Variants in PLEKHA7 observed in about 807,000 individuals in gnomAD.
The protein encoded by PLEKHA7 is pleckstrin homology domain containing A7.
A neutral mutation model predicts 170.0 loss-of-function variants in PLEKHA7; 104 were observed. The observed-to-expected ratio is 0.61, with a 90% CI of 0.52 to 0.72. PLEKHA7 has a LOEUF of 0.72. PLEKHA7 is among the 30% of genes least tolerant of loss of function. PLEKHA7 has a pLI of 0.00. For missense variants in PLEKHA7, 1,615 were observed against 1,671.7 expected (o/e 0.97, Z 0.59); for synonymous variants, 648 against 660.8 (o/e 0.98, Z 0.30).
chr11:16,942,726 T>C (rs966454646), intron 3 of PLEKHA7, among the ~76,000 whole-genome samples: 6 of 152,258 alleles, frequency 3.9e-5, no homozygotes, highest in Non-Finnish European at 8.8e-5. Context: ...AATGAATTGC[T>C]GCGGCCGCTG....
At chr11:16,801,582 C>G (rs904726345) in intron 16 of PLEKHA7, 86 bp downstream of exon 16, 1 of 1,531,416 alleles carries the variant, frequency 6.5e-7, no homozygotes, top group South Asian at 1.2e-5. Flanking sequence ...CTCTGGACAC[C>G]AACTCAACTA....
At chr11:16,867,937 A>T (rs1022161535) in intron 4 of PLEKHA7, among the ~76,000 whole-genome samples, 2 of 152,176 alleles carry the variant, frequency 1.3e-5, no homozygotes, top group African/African-American at 2.4e-5. Flanking sequence ...ATAGTCAATC[A>T]ATCACCAAAT....
chr11:16,801,766 G>A lies in PLEKHA7; in HGVS notation c.2209C>T (p.Arg737Ter). 2 of 1,614,140 alleles carry A rather than the reference G, an allele frequency of 1.2e-6. No homozygotes were observed. The highest frequency in any genetic ancestry group is 1.1e-5 in the South Asian group (1 of 91,082). Residue 737 changes from arginine to a stop codon, truncating the protein, a stop_gained, in exon 16 of 27, where the codon CGA becomes TGA. Coordinates refer to ENST00000531066, the MANE Select transcript of PLEKHA7 (RefSeq NM_001329630.2). LOFTEE classifies it high-confidence loss of function. ...EVLHRQMEQY[R>*]DQPQHLEKIA... is the part of the protein sequence containing the mutation. ...TTCTCCAAGTGCTGGGGCTGGTCTC[G>A]GTACTGCTCCATCTGTCTGTGCAAC...
At chr11:16,847,610 A>T (rs1489849610) in intron 8 of PLEKHA7, among the ~76,000 whole-genome samples, 2 of 151,952 alleles carry the variant, frequency 1.3e-5, no homozygotes, top group African/African-American at 4.8e-5. Flanking sequence ...CAGGTGGATC[A>T]CCTGAGGTCA....
At chr11:16,926,055 G>A (rs1859517323) in intron 3 of PLEKHA7, among the ~76,000 whole-genome samples, 1 of 152,218 alleles carries the variant, frequency 6.6e-6, no homozygotes, top group Non-Finnish European at 1.5e-5. Context: ...GGAGACCCGG[G>A]TTGCTGTCGT....
At chr11:16,866,850 G>A (rs1261806603) in intron 4 of PLEKHA7, among the ~76,000 whole-genome samples, 1 of 152,104 alleles carries the variant, frequency 6.6e-6, no homozygotes, top group Non-Finnish European at 1.5e-5. Context: ...TGTAAAATGA[G>A]AAACCATCGT....
chr11:17,008,742 C>T (rs947152022), intron 3 of PLEKHA7, among the ~76,000 whole-genome samples: 2 of 152,118 alleles, frequency 1.3e-5, no homozygotes, highest in African/African-American at 4.8e-5. Context: ...GTGGCTGAGC[C>T]CCTCTTCTCT....
intron 3 of PLEKHA7, among the ~76,000 whole-genome samples, chr11:16,999,026 T>G (rs565843711): frequency 1.5e-4 from 23 of 152,174 alleles, no homozygotes; most frequent in Non-Finnish European, 3.1e-4. Context: ...ATGGCAAATG[T>G]CAAATCAACC....
chr11:16,917,822 GCA>G (rs1233262189), intron 3 of PLEKHA7, among the ~76,000 whole-genome samples: 3 of 152,200 alleles, frequency 2.0e-5, no homozygotes, highest in African/African-American at 7.2e-5. Flanking sequence ...CATGGCAGAT[GCA>G]CAGTGACTGT....
At chr11:16,871,705 C>G (rs1854864603) in intron 3 of PLEKHA7, among the ~76,000 whole-genome samples, 1 of 152,176 alleles carries the variant, frequency 6.6e-6, no homozygotes, top group South Asian at 2.1e-4. Flanking sequence ...GGGCATGTCT[C>G]TGCAACACGA....
chr11:16,805,658 C>T (rs936924787), intron 13 of PLEKHA7, among the ~76,000 whole-genome samples: 3 of 151,798 alleles, frequency 2.0e-5, no homozygotes, highest in African/African-American at 4.8e-5. Flanking sequence ...GGCACAGTGC[C>T]GCGCACCTGT....
chr11:16,843,148 G>A (rs777775802), intron 8 of PLEKHA7, among the ~76,000 whole-genome samples: 4 of 152,194 alleles, frequency 2.6e-5, no homozygotes, highest in Admixed American at 2.0e-4. Flanking sequence ...TTGAAAGAAC[G>A]AAGAGTTAGA....
At chr11:16,870,534 C>T (rs1854745790) in intron 4 of PLEKHA7, among the ~76,000 whole-genome samples, 1 of 150,930 alleles carries the variant, frequency 6.6e-6, no homozygotes, top group African/African-American at 2.4e-5. Context: ...GCGGCTGAGA[C>T]AGGAGGACTG....
In PLEKHA7 at chr11:16,931,255, A is replaced by C. The variant is rs79899602; in HGVS notation, c.222-60073T>G. Among the ~76,000 whole-genome samples the C allele has an allele frequency of 2.0e-4, 31 of 152,308 alleles. 1 individual carries two copies. In the East Asian group the frequency reaches 4.4e-3, roughly 22 times the overall value. On this transcript the variant is annotated intron_variant, in intron 3 of 26. Coordinates refer to ENST00000531066, the MANE Select transcript of PLEKHA7 (RefSeq NM_001329630.2). ...CGCACCACCAGAGAATTGAATGCCA[A>C]AAGTCTAGAGTGAGCCCAGGAATCT...
chr11:16,779,075 C>A (rs1848831251), intron 26 of PLEKHA7, 55 bp from the exon 27 acceptor site: 2 of 702,458 alleles, frequency 2.8e-6, no homozygotes, highest in Admixed American at 2.0e-5. Context: ...GCAGGCACGT[C>A]TGCACACACA....
Position 16,849,038 on chromosome 11 carries a change from T to C in PLEKHA7, c.696+2153A>G, listed in dbSNP as rs924728101. On this transcript the variant is annotated intron_variant, in intron 8 of 26. Coordinates refer to ENST00000531066, the MANE Select transcript of PLEKHA7 (RefSeq NM_001329630.2). ...TTTCAGACTCACGGAACCATTGCCCTTTCTGGAGAACCATCTAAACACCAC... is the reference window on the plus strand; with the variant it reads ...TTTCAGACTCACGGAACCATTGCCCCTTCTGGAGAACCATCTAAACACCAC... Among the ~76,000 whole-genome samples, 5 of 152,300 alleles carry C rather than the reference T, an allele frequency of 3.3e-5. No homozygotes were observed. In the South Asian group the frequency reaches 8.3e-4, roughly 25 times the overall value.
intron 26 of PLEKHA7, among the ~76,000 whole-genome samples, chr11:16,780,154 A>C (rs1006020516): frequency 2.0e-5 from 3 of 152,350 alleles, no homozygotes; most frequent in East Asian, 1.9e-4. Context: ...AGGACTGCCC[A>C]GACTGGTAGT....
intron 3 of PLEKHA7, among the ~76,000 whole-genome samples, chr11:16,894,164 T>C (rs1224380355): frequency 6.6e-6 from 1 of 152,158 alleles, no homozygotes; most frequent in African/African-American, 2.4e-5. Context: ...CATCACTCCA[T>C]GACCCAGAGA....
chr11:16,949,848 T>G (rs923285337), intron 3 of PLEKHA7, among the ~76,000 whole-genome samples: 3 of 151,630 alleles, frequency 2.0e-5, no homozygotes, highest in African/African-American at 7.3e-5. Flanking sequence ...GAAACCAAAC[T>G]GGAGACAAAC....
Sources: gnomAD v4.1 joint callset for allele counts (sites outside exome capture counted in the v4.1 genomes callset) on GRCh38, gnomAD v4.1.1 for gene constraint, MANE v1.5 for transcripts, NCBI Gene and HGNC (gene_info 2026-07-23, HGNC 2026-07-21) for gene names.